The following ITGB4 variants were observed in gnomAD, a reference collection of about 807,000 sequenced individuals.
ITGB4 encodes integrin beta-4.
Under a neutral mutation model 207.6 loss-of-function variants are expected in ITGB4, and 159 were observed. The ratio of observed to expected loss-of-function variants is 0.77; its 90% CI spans 0.67 to 0.87. ITGB4 has a LOEUF of 0.87. ITGB4 is among the 40% of genes least tolerant of loss of function. The probability of loss-of-function intolerance (pLI) is 0.00; values close to 1 mark genes in which losing one functional copy is unlikely to be tolerated. For synonymous variants in ITGB4, 1,020 were observed against 1,062.7 expected, an observed-to-expected ratio of 0.96 and a Z score of 0.78; for missense variants, 2,278 against 2,546.8, an observed-to-expected ratio of 0.89 and a Z score of 2.27.
At position 75,740,717 on chromosome 17, in the gene ITGB4, C is replaced by T. The variant is rs2061088684; in HGVS notation, c.2551-76C>T. 1 of 1,518,920 alleles carries T rather than the reference C, an allele frequency of 6.6e-7. No individual in the cohort carries two copies. The highest frequency in any genetic ancestry group is 1.4e-5 in the African/African-American group (1 of 73,062). 94.1% of individuals were successfully genotyped at this position (1,518,920 alleles called of 1,614,324 possible). Reference sequence around the variant, plus strand: ...ATCTCTGGGTACAGAGGCTGCCTGGCTCCCTGGGTCCCCAGCCTGAGGGCT... The same window carrying T: ...ATCTCTGGGTACAGAGGCTGCCTGGTTCCCTGGGTCCCCAGCCTGAGGGCT... On this transcript the variant is annotated intron_variant, in intron 21 of 39. Transcript: ENST00000200181. This position sits in a 1 kb window ranked among gnomAD's most constrained non-coding sequence, Gnocchi z 5.9.
Position 75,757,029 on chromosome 17 carries a change from T to G in ITGB4, c.5140T>G (p.Phe1714Val). 1 of 1,611,072 alleles carries G rather than the reference T, an allele frequency of 6.2e-7. No individual in the cohort carries two copies. Among genetic ancestry groups the G allele is most frequent in the Non-Finnish European group, 8.5e-7 (1 of 1,179,544 alleles). Residue 1714 changes from phenylalanine to valine, a missense_variant, in exon 38 of 40, where the codon TTC (phenylalanine) becomes GTC (valine). Coordinates refer to ENST00000200181, the MANE Select transcript of ITGB4 (RefSeq NM_000213.5). ...PGLSENVPYK[F>V]KVQARTTEGF... ...CCTCAGCGAGAACGTGCCCTACAAGTTCAAGGTGCAGGCCAGGACCACTGA... is the reference window on the plus strand; with the variant it reads ...CCTCAGCGAGAACGTGCCCTACAAGGTCAAGGTGCAGGCCAGGACCACTGA...
chr17:75,754,701 C>T lies in ITGB4; in HGVS notation c.4444C>T (p.Leu1482=), dbSNP rs756626295. 236 of 1,614,052 alleles carry T rather than the reference C, an allele frequency of 1.5e-4. 3 individuals are homozygous for T. In the South Asian group the frequency reaches 2.5e-3, roughly 17 times the overall value. ...HLSPHVPHRV[L]STSSTLTRDY... is the part of the protein sequence containing the mutation. The stretch of plus-strand genomic sequence containing the variant: ...GAGCCCACACGTGCCCCACCGCGTG[C>T]TAAGCACATCCTCCACCCTCACACG... Residue 1482 remains leucine (L), a synonymous_variant, in exon 34 of 40, where the codon CTA becomes TTA. Coordinates refer to ENST00000200181, the MANE Select transcript of ITGB4 (RefSeq NM_000213.5).
rs748661544 is a variant in ITGB4 at position 75,742,677 on chromosome 17, C to T, written c.2878C>T (p.Leu960=). ...GCCTGAGGATGACGACGAGAAGCAGCTGCTGGTGGAGGCCATCGACGTGCC... is the reference window on the plus strand; with the variant it reads ...GCCTGAGGATGACGACGAGAAGCAGTTGCTGGTGGAGGCCATCGACGTGCC... ...IRPEDDDEKQ[L]LVEAIDVPAG... is the part of the protein sequence containing the mutation. The change falls in exon 25 of 40, where the codon CTG becomes TTG. Residue 960 remains leucine, a synonymous_variant. Coordinates refer to ENST00000200181, the MANE Select transcript of ITGB4 (RefSeq NM_000213.5). The surrounding 1 kb of genome is among the most constrained non-coding windows in gnomAD (Gnocchi z 5.9). 21 of 1,613,878 alleles carry T rather than the reference C, an allele frequency of 1.3e-5. No homozygotes were observed. Among genetic ancestry groups the T allele is most frequent in the Non-Finnish European group, 1.6e-5 (19 of 1,180,044 alleles).
chr17:75,752,191 A>C lies in ITGB4; in HGVS notation c.3811A>C (p.Lys1271Gln). 1 of 1,613,964 alleles carries C rather than the reference A, an allele frequency of 6.2e-7. No homozygotes were observed. Among genetic ancestry groups the C allele is most frequent in the Non-Finnish European group, 8.5e-7 (1 of 1,180,006 alleles). The change falls in exon 31 of 40, where the codon AAG becomes CAG. Residue 1271 changes from lysine to glutamine, a missense_variant. Coordinates refer to ENST00000200181, the MANE Select transcript of ITGB4 (RefSeq NM_000213.5). ...TGCCCCAGGACCTATTGGGCCCATG[A>C]AGAAAGTGCTGGTTGACAACCCTAA... is the stretch of plus-strand genomic sequence containing the variant. Reference protein sequence around the residue: ...NDDNRPIGPMKKVLVDNPKNR... With the variant: ...NDDNRPIGPMQKVLVDNPKNR...
rs764842316 is a variant in ITGB4 at position 75,757,313 on chromosome 17, G to C, written c.5329+3G>C. The C allele has an allele frequency of 1.2e-6, 2 of 1,612,500 alleles. No homozygotes were observed. The highest frequency in any genetic ancestry group is 1.7e-6 in the Non-Finnish European group (2 of 1,179,956). ...CGCCACCGAGCCCTTCCTAGTGGGT[G>C]AGCACTGAGGGCTAGGGGATCCCGG... is the stretch of plus-strand genomic sequence containing the variant. On this transcript the variant is annotated splice_donor_region_variant and intron_variant, in intron 39 of 39. Transcript: ENST00000200181.
chr17:75,739,551 T>C lies in ITGB4; in HGVS notation c.2221-121T>C. The C allele has an allele frequency of 9.3e-7, 1 of 1,076,582 alleles. No homozygotes were observed. The highest frequency in any genetic ancestry group is 1.4e-6 in the Non-Finnish European group (1 of 701,042). The allele number at this position is 1,076,582 out of a possible 1,614,324, so 66.7% of individuals were successfully genotyped here. On this transcript the variant is annotated intron_variant, in intron 18 of 39. Transcript: ENST00000200181. The surrounding 1 kb of genome is among the most constrained non-coding windows in gnomAD (Gnocchi z 5.4). ...ACACCCTGCTACCACCTGGATATTCTGGTGTCTGGGGAGGCACTGTCACCC... is the reference window on the plus strand; with the variant it reads ...ACACCCTGCTACCACCTGGATATTCCGGTGTCTGGGGAGGCACTGTCACCC...
chr17:75,734,429 A>G (rs1329099680), intron 13 of ITGB4, among the ~76,000 whole-genome samples: 1 of 152,076 alleles, frequency 6.6e-6, no homozygotes, highest in Non-Finnish European at 1.5e-5. Flanking sequence ...CTGGGATTAC[A>G]GGTGTGAGCC....
chr17:75,754,953 CGTGCACACGCATGCACACAT>C (rs1396879888), intron 34 of ITGB4, 138 bp downstream of exon 34: 2 of 1,432,248 alleles, frequency 1.4e-6, no homozygotes, highest in African/African-American at 3.6e-5. Context: ...CACGCACACA[CGTGCACACGCATGCACACAT>C]GTACACAGAC....
rs766965294 is a variant in ITGB4 at position 75,752,184 on chromosome 17, G to A, written c.3804G>A (p.Gly1268=). The change falls in exon 31 of 40, where the codon GGG becomes GGA. Residue 1268 remains glycine (G), a synonymous_variant. Transcript: ENST00000200181. ...GLVNDDNRPI[G]PMKKVLVDNP... is the part of the protein sequence containing the mutation. Reference sequence around the variant, plus strand: ...CTCTCTCTGCCCCAGGACCTATTGGGCCCATGAAGAAAGTGCTGGTTGACA... The same window carrying A: ...CTCTCTCTGCCCCAGGACCTATTGGACCCATGAAGAAAGTGCTGGTTGACA... 6.8e-6 allele frequency: 11 copies of A among 1,613,968 alleles called. No homozygotes were observed. The highest frequency in any genetic ancestry group is 9.3e-6 in the Non-Finnish European group (11 of 1,180,010).
intron 33 of ITGB4, 147 bp downstream of exon 33, chr17:75,754,121 G>A: frequency 2.1e-6 from 1 of 470,788 alleles, no homozygotes; most frequent in African/African-American, 2.0e-5. Context: ...CTGCTCAGAG[G>A]CAGGGCCCAG....
In ITGB4 at chr17:75,750,791, G is replaced by C; in HGVS notation, c.3586G>C (p.Val1196Leu). 6.2e-7 allele frequency: 1 copy of C among 1,613,554 alleles called. No homozygotes were observed. Among genetic ancestry groups the C allele is most frequent in the Non-Finnish European group, 8.5e-7 (1 of 1,180,002 alleles). ...LYPYCDYEMKVCAYGAQGEGP... is the reference protein window; with the variant it reads ...LYPYCDYEMKLCAYGAQGEGP... The stretch of plus-strand genomic sequence containing the variant: ...CCCGTATTGCGACTATGAGATGAAG[G>C]TGTGCGCCTACGGGGCTCAGGGCGA... Residue 1196 changes from valine to leucine, a missense_variant, in exon 29 of 40, where the codon GTG becomes CTG. Physicochemically the swap from Val to Leu is conservative, Grantham distance 32. Coordinates refer to ENST00000200181, the MANE Select transcript of ITGB4 (RefSeq NM_000213.5). The surrounding 1 kb of genome is among the most constrained non-coding windows in gnomAD (Gnocchi z 5.5).
rs565426957 is a variant in ITGB4, at chr17:75,733,740, A to G, written c.1657+48A>G. The G allele has an allele frequency of 3.3e-5, 53 of 1,582,678 alleles. No individual in the cohort carries two copies. In the South Asian group the frequency reaches 5.6e-4, roughly 17 times the overall value. ...ATGCTGATGGCGGGGTAGGGAGTGGACAGCAAGCATGACTTTCCCGTCAGG... is the reference window on the plus strand; with the variant it reads ...ATGCTGATGGCGGGGTAGGGAGTGGGCAGCAAGCATGACTTTCCCGTCAGG... On this transcript the variant is annotated intron_variant, in intron 13 of 39. Coordinates refer to ENST00000200181, the MANE Select transcript of ITGB4 (RefSeq NM_000213.5).
In ITGB4 at chr17:75,727,580, T is replaced by C; in HGVS notation, c.265-71T>C. On this transcript the variant is annotated intron_variant, in intron 4 of 39. Transcript: ENST00000200181. The surrounding 1 kb of genome is among the most constrained non-coding windows in gnomAD (Gnocchi z 6.0). ...ATTTATGGGGGTGTATAGTGCCCCT[T>C]GGCCGGGCTGGGCCCCCATCGGGCC... 6.3e-7 allele frequency: 1 copy of C among 1,584,830 alleles called. No individual in the cohort carries two copies. Among genetic ancestry groups the C allele is most frequent in the Non-Finnish European group, 8.6e-7 (1 of 1,165,326 alleles).
chr17:75,740,437 G>C lies in ITGB4; in HGVS notation c.2526G>C (p.Gln842His), dbSNP rs751816976. 30 of 1,613,804 alleles carry C rather than the reference G, an allele frequency of 1.9e-5. No homozygotes were observed. The highest frequency in any genetic ancestry group is 2.5e-5 in the Non-Finnish European group (30 of 1,179,990). Residue 842 changes from glutamine to histidine, a missense_variant, in exon 21 of 40, where the codon CAG becomes CAC. By Grantham distance (24) the Gln-to-His change is conservative (BLOSUM62 0). Transcript: ENST00000200181. The surrounding 1 kb of genome is among the most constrained non-coding windows in gnomAD (Gnocchi z 5.9). ...AGCCTGACACTCGGGAGTGCGCCCA[G>C]CTGCGCCAGGAGGTGGAGGAGAACG... ...LLKPDTRECAQLRQEVEENLN... is the reference protein window; with the variant it reads ...LLKPDTRECAHLRQEVEENLN...
At chr17:75,728,334 C>A (rs1396376446) in intron 5 of ITGB4, 43 bp from the exon 6 acceptor site, 4 of 1,556,312 alleles carry the variant, frequency 2.6e-6, no homozygotes, top group Non-Finnish European at 3.5e-6. Context: ...TTATGCCAGG[C>A]ATCAGGGCTC....
chr17:75,732,658 C>T lies in ITGB4; in HGVS notation c.1454+419C>T, dbSNP rs1473885484. 2.0e-5 allele frequency among the ~76,000 whole-genome samples: 3 copies of T among 152,174 alleles called. No homozygotes were observed. The highest frequency in any genetic ancestry group is 4.4e-5 in the Non-Finnish European group (3 of 68,034). On this transcript the variant is annotated intron_variant, in intron 12 of 39. Transcript: ENST00000200181. This position sits in a 1 kb window ranked among gnomAD's most constrained non-coding sequence, Gnocchi z 5.3. ...TGGGCGAGCTTGCCACAACTTGAGG[C>T]AGAGCAGTGGGGAAAGGACACTGGA... is the stretch of plus-strand genomic sequence containing the variant.
chr17:75,728,336 T>C, intron 5 of ITGB4, 41 bp from the exon 6 acceptor site: 1 of 1,577,620 alleles, frequency 6.3e-7, no homozygotes, highest in Non-Finnish European at 8.7e-7. Flanking sequence ...ATGCCAGGCA[T>C]CAGGGCTCAG....
In ITGB4 at chr17:75,755,992, C is replaced by T. The variant is rs111879557; in HGVS notation, c.4708+142C>T. The T allele has an allele frequency of 7.8e-4, 807 of 1,035,060 alleles. 6 individuals carry two copies. In the African/African-American group the frequency reaches 0.011, roughly 14 times the overall value. The allele number at this position is 1,035,060 out of a possible 1,614,324, so 64.1% of individuals were successfully genotyped here. A position where few individuals can be genotyped will look rare whatever the true frequency, so the allele number is the denominator to read the frequency against. On this transcript the variant is annotated intron_variant, in intron 35 of 39. Transcript: ENST00000200181. ...GCCCCCATCCAGCCTGAGAGGGTCT[C>T]CCACCCCATTCTCCACCCCACTTCT...
chr17:75,727,289 G>T lies in ITGB4; in HGVS notation c.162+12G>T. The T allele has an allele frequency of 1.2e-6, 2 of 1,613,758 alleles. No homozygotes were observed. Among genetic ancestry groups the T allele is most frequent in the Non-Finnish European group, 1.7e-6 (2 of 1,179,810 alleles). ...ACTGCACAGACGAGGTGAGGACCTGGCCCGGGTTGGTGTGGAACAGGCAAG... is the reference window on the plus strand; with the variant it reads ...ACTGCACAGACGAGGTGAGGACCTGTCCCGGGTTGGTGTGGAACAGGCAAG... On this transcript the variant is annotated intron_variant, in intron 3 of 39. Coordinates refer to ENST00000200181, the MANE Select transcript of ITGB4 (RefSeq NM_000213.5). This position sits in a 1 kb window ranked among gnomAD's most constrained non-coding sequence, Gnocchi z 6.0.
Sources: gnomAD v4.1 joint callset for allele counts (sites outside exome capture counted in the v4.1 genomes callset) on GRCh38, gnomAD v4.1.1 for gene constraint, Gnocchi (gnomAD v3.1) non-coding constraint, MANE v1.5 for transcripts, NCBI Gene and HGNC (gene_info 2026-07-23, HGNC 2026-07-21) for gene names.